The following ZNF521 variants were observed in gnomAD, a reference collection of about 807,000 sequenced individuals.
The protein encoded by ZNF521 is LYST-interacting protein 3.
Under a neutral mutation model 105.5 loss-of-function variants are expected in ZNF521, and 14 were observed. The observed-to-expected ratio is 0.13, with a 90% CI of 0.09 to 0.21. The LOEUF (loss-of-function observed/expected upper bound fraction) is 0.21, where lower values mean the gene tolerates loss of function less well. Ranked by LOEUF, ZNF521 falls within the 10% of genes least tolerant of loss-of-function variation. The pLI is 1.00. For synonymous variants in ZNF521, 635 were observed against 606.0 expected, an observed-to-expected ratio of 1.05 and a Z score of -0.70; for missense variants, 1,233 against 1,629.7, an observed-to-expected ratio of 0.76 and a Z score of 4.19.
intron 4 of ZNF521, among the ~76,000 whole-genome samples, chr18:25,197,014 G>A (rs1215609039): frequency 6.6e-6 from 1 of 151,510 alleles, no homozygotes; most frequent in South Asian, 2.1e-4. Flanking sequence ...AATATACTAG[G>A]GCTTTTTTTT....
Position 25,225,420 on chromosome 18 carries a change from C to T in ZNF521, c.2498G>A (p.Cys833Tyr), listed in dbSNP as rs535773584. 2 of 1,614,180 alleles carry T rather than the reference C, an allele frequency of 1.2e-6. No homozygotes were observed. Among genetic ancestry groups the T allele is most frequent in the African/African-American group, 2.7e-5 (2 of 75,052 alleles). ...GTTGGGTGTCTTGGTTTCGAATACA[C>T]AGTGTTTTTCTCGCAAGTGTTTTTC... Reference protein sequence around the residue: ...LLEKHLREKHCVFETKTPNCG... With the variant: ...LLEKHLREKHYVFETKTPNCG... The change falls in exon 4 of 8, where the codon TGT becomes TAT. Residue 833 changes from cysteine (C) to tyrosine (Y), a missense_variant. By Grantham distance (194) the Cys-to-Tyr change is radical (BLOSUM62 -2). Around this residue, in one of 6 missense-constraint regions of ZNF521, gnomAD observed 614 missense variants for 751.5 expected, o/e 0.82. Coordinates refer to ENST00000361524, the MANE Select transcript of ZNF521 (RefSeq NM_015461.3). The surrounding 1 kb of genome is among the most constrained non-coding windows in gnomAD (Gnocchi z 5.6).
At chr18:25,115,130 A>G (rs983379897) in intron 5 of ZNF521, among the ~76,000 whole-genome samples, 1 of 152,192 alleles carries the variant, frequency 6.6e-6, no homozygotes, top group African/African-American at 2.4e-5. Flanking sequence ...CTGGAAATCT[A>G]TAGTCTGGGA....
chr18:25,335,917 T>A (rs1913854125), intron 2 of ZNF521, among the ~76,000 whole-genome samples: 1 of 152,106 alleles, frequency 6.6e-6, no homozygotes. Context: ...AATCTGGAAG[T>A]GGGGCCTGGG....
At chr18:25,079,637 G>A (rs1244661774) in intron 7 of ZNF521, among the ~76,000 whole-genome samples, 6 of 150,756 alleles carry the variant, frequency 4.0e-5, no homozygotes, top group Non-Finnish European at 4.4e-5. Flanking sequence ...GAGTGAAAGA[G>A]AGAAGACAGC....
At chr18:25,219,694 G>A (rs542289717) in intron 4 of ZNF521, among the ~76,000 whole-genome samples, 1 of 152,242 alleles carries the variant, frequency 6.6e-6, no homozygotes, top group East Asian at 1.9e-4. Flanking sequence ...GCATGAGCCT[G>A]TAGTCTCAGC....
intron 5 of ZNF521, among the ~76,000 whole-genome samples, chr18:25,134,509 C>T (rs1024242081): frequency 1.3e-5 from 2 of 152,114 alleles, no homozygotes; most frequent in African/African-American, 4.8e-5. Flanking sequence ...TTCCCATCTG[C>T]TTACTCTGCC....
chr18:25,186,176 A>C (rs556681139), intron 5 of ZNF521, among the ~76,000 whole-genome samples: 12 of 152,306 alleles, frequency 7.9e-5, no homozygotes, highest in African/African-American at 2.9e-4. Flanking sequence ...TCTCCTCACC[A>C]AGGATCACTG....
chr18:25,086,819 T>A (rs957138937), intron 7 of ZNF521, among the ~76,000 whole-genome samples: 41 of 152,194 alleles, frequency 2.7e-4, no homozygotes, highest in African/African-American at 8.9e-4. Context: ...TTTTGGTAGA[T>A]GTTTGACTAA....
chr18:25,116,994 CAT>C (rs1233299292), intron 5 of ZNF521, among the ~76,000 whole-genome samples: 6 of 135,574 alleles, frequency 4.4e-5, no homozygotes, highest in East Asian at 2.1e-4. Context: ...TACACACACA[CAT>C]ATATATACAT....
intron 7 of ZNF521, among the ~76,000 whole-genome samples, chr18:25,066,372 C>T (rs2033060765): frequency 6.6e-6 from 1 of 152,182 alleles, no homozygotes; most frequent in Admixed American, 6.5e-5. Context: ...GTCTGTTCTC[C>T]TCCCCCACGC....
At chr18:25,310,433 C>CA (rs751323496) in intron 3 of ZNF521, among the ~76,000 whole-genome samples, 15,878 of 123,132 alleles carry the variant, frequency 0.13, 1,875 homozygotes, top group East Asian at 0.33. Context: ...AAACAGAAAA[C>CA]AAAAAAAAAA....
intron 3 of ZNF521, among the ~76,000 whole-genome samples, chr18:25,321,161 T>A (rs934878617): frequency 3.4e-4 from 52 of 152,250 alleles, no homozygotes; most frequent in African/African-American, 1.1e-3. Context: ...GACACACACA[T>A]ACACACACAT....
chr18:25,278,146 G>A (rs1314501274), intron 3 of ZNF521, among the ~76,000 whole-genome samples: 1 of 152,186 alleles, frequency 6.6e-6, no homozygotes, highest in African/African-American at 2.4e-5. Flanking sequence ...ATGCAAATTA[G>A]TGCTCAGATG....
chr18:25,202,175 G>A (rs190041481), intron 4 of ZNF521: 1 of 152,088 alleles, frequency 6.6e-6, no homozygotes, highest in African/African-American at 2.4e-5. Context: ...CAATTAACAA[G>A]GGTTAAACAA....
At chr18:25,187,664 C>T (rs369611285) in intron 5 of ZNF521, among the ~76,000 whole-genome samples, 29 of 152,208 alleles carry the variant, frequency 1.9e-4, no homozygotes, top group African/African-American at 6.7e-4. Flanking sequence ...ATGTACAGTA[C>T]AGAGAAAGGA....
At position 25,145,368 on chromosome 18, in the gene ZNF521, A is replaced by C. The variant is rs147038202; in HGVS notation, c.3658+49792T>G. Among the ~76,000 whole-genome samples, 28 of 152,238 alleles carry C rather than the reference A, an allele frequency of 1.8e-4. No homozygotes were observed. In the East Asian group the frequency reaches 4.1e-3, roughly 22 times the overall value. On this transcript the variant is annotated intron_variant, in intron 5 of 7. Transcript: ENST00000361524. ...CTTGAAGGTTAAAACTTTTTAAAACAAATAACTTAACCTCCTAGGCCTCTT... is the reference window on the plus strand; with the variant it reads ...CTTGAAGGTTAAAACTTTTTAAAACCAATAACTTAACCTCCTAGGCCTCTT...
chr18:25,074,532 C>G (rs188814433), intron 7 of ZNF521, among the ~76,000 whole-genome samples: 2 of 152,234 alleles, frequency 1.3e-5, no homozygotes, highest in Admixed American at 6.5e-5. Flanking sequence ...CTAAAATCAT[C>G]CCGGTTTATT....
At chr18:25,170,608 A>G (rs2035431465) in intron 5 of ZNF521, among the ~76,000 whole-genome samples, 1 of 152,132 alleles carries the variant, frequency 6.6e-6, no homozygotes, top group South Asian at 2.1e-4. Flanking sequence ...TGAGTTGTTA[A>G]CTATCTGTAA....
chr18:25,189,716 T>C (rs999407594), intron 5 of ZNF521, among the ~76,000 whole-genome samples: 6 of 152,258 alleles, frequency 3.9e-5, no homozygotes, highest in African/African-American at 7.2e-5. Context: ...ATCACACATT[T>C]GTTTAAATGT....
Sources: allele counts gnomAD v4.1 joint callset (sites outside exome capture counted in the v4.1 genomes callset), GRCh38; gene constraint gnomAD v4.1.1; regional missense constraint gnomAD v4.1.1; non-coding constraint Gnocchi (gnomAD v3.1); transcripts MANE v1.5; gene names NCBI Gene and HGNC (gene_info 2026-07-23, HGNC 2026-07-21).